Variants in TSHZ3 observed in about 807,000 individuals in gnomAD.
The protein encoded by TSHZ3 is teashirt zinc finger homeobox 3, also known as teashirt homolog 3.
A neutral mutation model predicts 64.5 loss-of-function variants in TSHZ3; 10 were observed. The ratio of observed to expected loss-of-function variants is 0.16; its 90% CI spans 0.10 to 0.26. The LOEUF (loss-of-function observed/expected upper bound fraction) is 0.26, where lower values mean the gene tolerates loss of function less well. Among genes scored for constraint, TSHZ3 ranks in the 10% least tolerant of loss-of-function variants. The pLI, the probability that TSHZ3 is intolerant of heterozygous loss-of-function variation, is 1.00. For missense variants in TSHZ3, 1,242 were observed against 1,421.7 expected, an observed-to-expected ratio of 0.87 and a Z score of 2.03; for synonymous variants, 608 against 593.1, an observed-to-expected ratio of 1.03 and a Z score of -0.36.
At chr19:31,331,595 T>C (rs970032580) in intron 1 of TSHZ3, among the ~76,000 whole-genome samples, 7 of 152,060 alleles carry the variant, frequency 4.6e-5, no homozygotes, top group African/African-American at 1.7e-4. Context: ...AAGATGCATT[T>C]TCTGGAAATG....
chr19:31,216,248 TG>T (rs893384459), intron 4 of TSHZ3, among the ~76,000 whole-genome samples: 14 of 152,086 alleles, frequency 9.2e-5, no homozygotes, highest in Admixed American at 5.2e-4. Flanking sequence ...TAGGCCTTTT[TG>T]GGGGGGCTCC....
At chr19:31,280,894 A>G (rs532475782) in intron 1 of TSHZ3, among the ~76,000 whole-genome samples, 1 of 152,228 alleles carries the variant, frequency 6.6e-6, no homozygotes, top group East Asian at 1.9e-4. Flanking sequence ...GCATTCGGTG[A>G]CTTGGGTTAT....
chr19:31,310,022 A>G (rs1416524811), intron 1 of TSHZ3, among the ~76,000 whole-genome samples: 2 of 152,228 alleles, frequency 1.3e-5, no homozygotes, highest in Non-Finnish European at 2.9e-5. Flanking sequence ...ATACTCCAGT[A>G]GCCTGGTGCC....
intron 1 of TSHZ3, among the ~76,000 whole-genome samples, chr19:31,295,651 C>A (rs187608606): frequency 6.6e-6 from 1 of 152,116 alleles, no homozygotes; most frequent in South Asian, 2.1e-4. Context: ...TCCTGGAACA[C>A]GAAATGTTCT....
chr19:31,163,290 G>A (rs1974394118), intron 5 of TSHZ3, among the ~76,000 whole-genome samples: 1 of 152,202 alleles, frequency 6.6e-6, no homozygotes, highest in Admixed American at 6.5e-5. Context: ...TTGAGGTTGA[G>A]TTGGTAACAC....
intron 6 of TSHZ3, among the ~76,000 whole-genome samples, chr19:31,153,959 A>G (rs1184818704): frequency 6.6e-6 from 1 of 152,214 alleles, no homozygotes; most frequent in African/African-American, 2.4e-5. Flanking sequence ...TAAAGGGTGG[A>G]GCAAATTTCT....
intron 1 of TSHZ3, among the ~76,000 whole-genome samples, chr19:31,295,833 A>G (rs569107024): frequency 6.6e-6 from 1 of 150,728 alleles, no homozygotes; most frequent in Non-Finnish European, 1.5e-5. Context: ...TTACATGGCC[A>G]TATTGTGTGA....
At chr19:31,296,587 C>T (rs1976666487) in intron 1 of TSHZ3, among the ~76,000 whole-genome samples, 1 of 152,200 alleles carries the variant, frequency 6.6e-6, no homozygotes, top group Non-Finnish European at 1.5e-5. Flanking sequence ...CTGCCCGCCT[C>T]AGCCTCCCAA....
intron 1 of TSHZ3, among the ~76,000 whole-genome samples, chr19:31,289,307 C>T (rs1334670436): frequency 6.6e-6 from 1 of 152,200 alleles, no homozygotes; most frequent in Non-Finnish European, 1.5e-5. Flanking sequence ...GGGACAAGCA[C>T]CAAGCCCTGC....
chr19:31,224,425 C>T (rs991141139), intron 4 of TSHZ3, among the ~76,000 whole-genome samples: 2 of 152,180 alleles, frequency 1.3e-5, no homozygotes, highest in Non-Finnish European at 2.9e-5. Flanking sequence ...ATAGCAACAG[C>T]TCAATGCATA....
intron 3 of TSHZ3, among the ~76,000 whole-genome samples, chr19:31,238,079 G>A (rs1975643048): frequency 6.6e-6 from 1 of 151,934 alleles, no homozygotes; most frequent in African/African-American, 2.4e-5. Flanking sequence ...AGGTGTTTGT[G>A]GTAGTTCTAT....
In TSHZ3 at chr19:31,278,015, G is replaced by A; in HGVS notation, c.1778C>T (p.Ser593Phe). The part of the protein sequence containing the change: ...VSPTKNQTLV[S>F]PPSSQTSPMP... ...GGGGGACGTCTGGCTGCTGGGTGGA[G>A]AGACCAGGGTCTGGTTTTTCGTCGG... Residue 593 changes from serine (S) to phenylalanine (F), a missense_variant, in exon 2 of 2, where the codon TCT (serine) becomes TTT (phenylalanine). By Grantham distance (155) the Ser-to-Phe change is radical (BLOSUM62 -2). This residue lies in a region of TSHZ3 where 550 missense variants were observed against 545.1 expected (regional missense o/e 1.01). Transcript: ENST00000240587. The surrounding 1 kb of genome is among the most constrained non-coding windows in gnomAD (Gnocchi z 4.7). The A allele has an allele frequency of 6.2e-7, 1 of 1,614,046 alleles. No individual in the cohort carries two copies. Among genetic ancestry groups the A allele is most frequent in the Non-Finnish European group, 8.5e-7 (1 of 1,179,900 alleles).
chr19:31,284,138 C>A (rs1599624679), intron 1 of TSHZ3, among the ~76,000 whole-genome samples: 4 of 152,212 alleles, frequency 2.6e-5, no homozygotes, highest in East Asian at 3.9e-4. Context: ...AGGGAGGGAA[C>A]CTTACTTCCT....
intron 1 of TSHZ3, among the ~76,000 whole-genome samples, chr19:31,265,434 A>AG (rs1555731235): frequency 1.3e-5 from 2 of 150,620 alleles, no homozygotes; most frequent in Admixed American, 6.6e-5. Context: ...AGAAAGAAAG[A>AG]AAAAGAAAAG....
At chr19:31,290,336 G>A (rs1374193647) in intron 1 of TSHZ3, among the ~76,000 whole-genome samples, 2 of 152,102 alleles carry the variant, frequency 1.3e-5, no homozygotes, top group African/African-American at 4.8e-5. Context: ...TGACCGGGAG[G>A]GGCTCAAAGC....
downstream of TSHZ3, among the ~76,000 whole-genome samples, chr19:31,272,838 G>A (rs944465032): frequency 1.3e-5 from 2 of 152,156 alleles, no homozygotes; most frequent in African/African-American, 4.8e-5. Flanking sequence ...GGGCTTGGGC[G>A]GGGTGAGGTC....
intron 4 of TSHZ3, among the ~76,000 whole-genome samples, chr19:31,212,189 C>T (rs1055277007): frequency 6.6e-6 from 1 of 152,062 alleles, no homozygotes; most frequent in Non-Finnish European, 1.5e-5. Context: ...GACGCCATGG[C>T]TCACACCTGT....
intron 1 of TSHZ3, among the ~76,000 whole-genome samples, chr19:31,337,007 T>G (rs1917266730): frequency 8.0e-6 from 1 of 125,354 alleles, no homozygotes; most frequent in Middle Eastern, 3.5e-3. Flanking sequence ...CTTTTTCTTT[T>G]TTTCTATTTT....
At position 31,279,457 on chromosome 19, in the gene TSHZ3, C is replaced by T. The variant is rs199915327; in HGVS notation, c.336G>A (p.Ser112=). ...VTVPLEDTTV[S]DSLEQMKAVY... ...CGGCCTTCATCTGCTCCAGGCTATCCGACACAGTCGTGTCTTCCAGTGGGA... is the reference window on the plus strand; with the variant it reads ...CGGCCTTCATCTGCTCCAGGCTATCTGACACAGTCGTGTCTTCCAGTGGGA... The change falls in exon 2 of 2, where the codon TCG becomes TCA. Residue 112 remains serine (S), a synonymous_variant. Coordinates refer to ENST00000240587, the MANE Select transcript of TSHZ3 (RefSeq NM_020856.4). This position sits in a 1 kb window ranked among gnomAD's most constrained non-coding sequence, Gnocchi z 6.4. 1.3e-4 allele frequency: 214 copies of T among 1,614,182 alleles called. No individual in the cohort carries two copies. In the East Asian group the frequency reaches 2.6e-3, roughly 19 times the overall value.
Sources: allele counts gnomAD v4.1 joint callset (sites outside exome capture counted in the v4.1 genomes callset), GRCh38; gene constraint gnomAD v4.1.1; regional missense constraint gnomAD v4.1.1; non-coding constraint Gnocchi (gnomAD v3.1); transcripts MANE v1.5; gene names NCBI Gene and HGNC (gene_info 2026-07-23, HGNC 2026-07-21).